The following SDR42E1 variants were observed in gnomAD, a reference collection of about 807,000 sequenced individuals.
SDR42E1 encodes short chain dehydrogenase/reductase family 42E, member 1.
A neutral mutation model predicts 2.6 loss-of-function variants in SDR42E1; 5 were observed. The observed-to-expected ratio is 1.94, with a 90% CI of 1.01 to 4.08. SDR42E1 has a LOEUF of 4.08. SDR42E1 is among the 30% of genes most tolerant of loss of function. The probability of loss-of-function intolerance (pLI) is 0.00; values close to 1 mark genes in which losing one functional copy is unlikely to be tolerated. For missense variants in SDR42E1, 596 were observed against 478.6 expected (o/e 1.25, Z -2.29); for synonymous variants, 231 against 188.3 (o/e 1.23, Z -1.86).
intron 1 of SDR42E1, among the ~76,000 whole-genome samples, chr16:82,006,150 G>C (rs1347035512): frequency 2.6e-5 from 4 of 152,038 alleles, no homozygotes; most frequent in Non-Finnish European, 5.9e-5. Flanking sequence ...CCAATAGAAA[G>C]TATGGAACAG....
Position 81,993,554 on chromosome 16 carries a change from T to C in SDR42E1, c.*5557A>G, listed in dbSNP as rs1445146128. ...TGATGTCACCCTTCTGGAGTCTGCA[T>C]TTTTAATTTAGGCCTTGAATGTTCT... On this transcript the variant is annotated 3_prime_UTR_variant, in exon 3 of 3. Coordinates refer to ENST00000328945, the MANE Select transcript of SDR42E1 (RefSeq NM_145168.3). 2 of 152,220 alleles carry C rather than the reference T, an allele frequency of 1.3e-5. No homozygotes were observed. The highest frequency in any genetic ancestry group is 4.8e-5 in the African/African-American group (2 of 41,452). The allele number at this position is 152,220 out of a possible 1,614,324, so 9.4% of individuals were successfully genotyped here. A position where few individuals can be genotyped will look rare whatever the true frequency, so the allele number is the denominator to read the frequency against.
At position 81,994,279 on chromosome 16, in the gene SDR42E1, A is replaced by T. The variant is rs1262541971; in HGVS notation, c.*4832T>A. On this transcript the variant is annotated 3_prime_UTR_variant, in exon 3 of 3. Transcript: ENST00000328945. ...CACATAGCTGGACCCAGCAGCCCAA[A>T]CATCATCAGCACTCGGTCCTCTCCT... 2.0e-5 allele frequency: 3 copies of T among 152,214 alleles called. No homozygotes were observed. The highest frequency in any genetic ancestry group is 6.5e-5 in the Admixed American group (1 of 15,274). 9.4% of individuals were successfully genotyped at this position (152,214 alleles called of 1,614,324 possible). A position where few individuals can be genotyped will look rare whatever the true frequency, so the allele number is the denominator to read the frequency against.
Position 81,999,356 on chromosome 16 carries a change from G to A in SDR42E1, c.937C>T (p.Arg313Cys), listed in dbSNP as rs192377528. 51 of 1,614,208 alleles carry A rather than the reference G, an allele frequency of 3.2e-5. No homozygotes were observed. Among genetic ancestry groups the A allele is most frequent in the African/African-American group, 4.0e-5 (3 of 75,052 alleles). The change falls in exon 3 of 3, where the codon CGC becomes TGC. Residue 313 changes from arginine (R) to cysteine (C), a missense_variant. Physicochemically the swap from Arg to Cys is radical, Grantham distance 180. Transcript: ENST00000328945. ...ACACCAGTTTTGTAAACTTCAGTGC[G>A]AGTGAGGAAGGGCTGGAAGTTGTAG... ...RLYNFQPFLT[R>C]TEVYKTGVTH...
At chr16:82,006,647 C>T (rs60912325) in intron 1 of SDR42E1, among the ~76,000 whole-genome samples, 2 of 152,018 alleles carry the variant, frequency 1.3e-5, no homozygotes, top group East Asian at 1.9e-4. Flanking sequence ...AGAAAAAATT[C>T]GCCAGGCGTG....
At chr16:82,009,435 G>T (rs966660626) in intron 1 of SDR42E1, among the ~76,000 whole-genome samples, 4 of 152,242 alleles carry the variant, frequency 2.6e-5, no homozygotes, top group Non-Finnish European at 4.4e-5. Flanking sequence ...AAGACTATGG[G>T]AAACCACCTC....
At chr16:82,010,338 C>CAGGACTTGAAGCCGGGTCT (rs1192426082) in intron 1 of SDR42E1, among the ~76,000 whole-genome samples, 37 of 152,296 alleles carry the variant, frequency 2.4e-4, no homozygotes, top group Non-Finnish European at 1.5e-4. Context: ...GGGCAGGGTT[C>CAGGACTTGAAGCCGGGTCT]AGGACTTGAA....
intron 1 of SDR42E1, among the ~76,000 whole-genome samples, chr16:82,009,156 T>C (rs747095768): frequency 5.3e-5 from 8 of 152,148 alleles, no homozygotes; most frequent in Non-Finnish European, 1.0e-4. Flanking sequence ...CAGGCAGAAG[T>C]TGGCTGCAGG....
Position 81,999,343 on chromosome 16 carries a change from T to C in SDR42E1, c.950A>G (p.Tyr317Cys). The change falls in exon 3 of 3, where the codon TAC (tyrosine) becomes TGC (cysteine). Residue 317 changes from tyrosine (Y) to cysteine (C), a missense_variant. Physicochemically the swap from Tyr to Cys is radical, Grantham distance 194. Coordinates refer to ENST00000328945, the MANE Select transcript of SDR42E1 (RefSeq NM_145168.3). Reference protein sequence around the residue: ...FQPFLTRTEVYKTGVTHYFSL... With the variant: ...FQPFLTRTEVCKTGVTHYFSL... Reference sequence around the variant, plus strand: ...AAAATAATGTGTGACACCAGTTTTGTAAACTTCAGTGCGAGTGAGGAAGGG... The same window carrying C: ...AAAATAATGTGTGACACCAGTTTTGCAAACTTCAGTGCGAGTGAGGAAGGG... 6.2e-7 allele frequency: 1 copy of C among 1,614,212 alleles called. No homozygotes were observed. The highest frequency in any genetic ancestry group is 8.5e-7 in the Non-Finnish European group (1 of 1,180,030).
In SDR42E1 at chr16:81,993,957, C is replaced by G. The variant is rs1229477901; in HGVS notation, c.*5154G>C. The G allele has an allele frequency of 6.6e-6, 1 of 152,020 alleles. No homozygotes were observed. The highest frequency in any genetic ancestry group is 1.5e-5 in the Non-Finnish European group (1 of 67,990). 9.4% of individuals were successfully genotyped at this position (152,020 alleles called of 1,614,324 possible). A position where few individuals can be genotyped will look rare whatever the true frequency, so the allele number is the denominator to read the frequency against. On this transcript the variant is annotated 3_prime_UTR_variant, in exon 3 of 3. Coordinates refer to ENST00000328945, the MANE Select transcript of SDR42E1 (RefSeq NM_145168.3). ...AGCAAATGTTAAATTACCCAGGGAC[C>G]AAAAGACGACCCCCGTTTGAAAGAA... is the stretch of plus-strand genomic sequence containing the variant.
At chr16:82,001,513 T>C (rs767987710) in intron 1 of SDR42E1, among the ~76,000 whole-genome samples, 6 of 152,120 alleles carry the variant, frequency 3.9e-5, no homozygotes, top group Non-Finnish European at 7.4e-5. Context: ...TCTTCTTCTG[T>C]GGCCCTCCCC....
chr16:82,000,649 A>G lies in SDR42E1; in HGVS notation c.68+142T>C. ...AATATACCTGTAGTTCTCAGCTGCA[A>G]TGTCTGAGCAGTGGGCAACACAGAT... is the stretch of plus-strand genomic sequence containing the variant. On this transcript the variant is annotated intron_variant, in intron 2 of 2. Transcript: ENST00000328945. The G allele has an allele frequency of 4.6e-6, 3 of 648,862 alleles. No individual in the cohort carries two copies. The Admixed American group carries it at 8.6e-5, about 19-fold the overall frequency. 40.2% of individuals were successfully genotyped at this position (648,862 alleles called of 1,614,324 possible).
chr16:82,000,626 T>C (rs1424807811), intron 2 of SDR42E1, among the ~76,000 whole-genome samples, 165 bp downstream of exon 2: 1 of 152,210 alleles, frequency 6.6e-6, no homozygotes, highest in Admixed American at 6.5e-5. Context: ...TTAAGTGAAA[T>C]ATACCTGTAG....
Position 81,992,586 on chromosome 16 carries a change from T to G in SDR42E1, c.*6525A>C, listed in dbSNP as rs1426931578. On this transcript the variant is annotated 3_prime_UTR_variant, in exon 3 of 3. Transcript: ENST00000328945. The stretch of plus-strand genomic sequence containing the variant: ...CACTGGGAGGCTAGAGCAAAAGATA[T>G]GTAGAATACTTGCCAAGATTAAAAT... 2 of 152,176 alleles carry G rather than the reference T, an allele frequency of 1.3e-5. No homozygotes were observed. The highest frequency in any genetic ancestry group is 4.8e-5 in the African/African-American group (2 of 41,446). 9.4% of individuals were successfully genotyped at this position (152,176 alleles called of 1,614,324 possible).
intron 1 of SDR42E1, among the ~76,000 whole-genome samples, chr16:82,008,543 A>T (rs975211831): frequency 6.6e-6 from 1 of 152,040 alleles, no homozygotes; most frequent in Non-Finnish European, 1.5e-5. Flanking sequence ...AGCAAAAGTG[A>T]CTCGTTATGT....
Position 81,989,278 on chromosome 16 carries a change from G to A in SDR42E1, c.*9833C>T, listed in dbSNP as rs1912374250. 3 of 152,176 alleles carry A rather than the reference G, an allele frequency of 2.0e-5. No homozygotes were observed. The highest frequency in any genetic ancestry group is 4.4e-5 in the Non-Finnish European group (3 of 68,044). 9.4% of individuals were successfully genotyped at this position (152,176 alleles called of 1,614,324 possible). On this transcript the variant is annotated 3_prime_UTR_variant, in exon 3 of 3. Transcript: ENST00000328945. ...CTGTACTATTGAGTGAGAAACCGTA[G>A]TAGCAGAAGGAACTGTGAGGTGGGA...
At position 81,999,211 on chromosome 16, in the gene SDR42E1, C is replaced by G; in HGVS notation, c.1082G>C (p.Ser361Thr). Residue 361 changes from serine (S) to threonine (T), a missense_variant, in exon 3 of 3, where the codon AGT becomes ACT. By Grantham distance (58) the Ser-to-Thr change is moderately conservative. Coordinates refer to ENST00000328945, the MANE Select transcript of SDR42E1 (RefSeq NM_145168.3). ...KAHGHGRSSG[S>T]RDSECFVWDG... ...CCAAACAAAACACTCCGAGTCACGA[C>G]TTCCAGAACTTCTGCCATGACCATG... The G allele has an allele frequency of 6.2e-7, 1 of 1,614,222 alleles. No individual in the cohort carries two copies.
At chr16:82,003,122 G>C (rs538594397) in intron 1 of SDR42E1, among the ~76,000 whole-genome samples, 1 of 152,302 alleles carries the variant, frequency 6.6e-6, no homozygotes, top group East Asian at 1.9e-4. Context: ...AGTGGTTTGA[G>C]GGTATGGAGA....
Position 81,999,028 on chromosome 16 carries a change from G to T in SDR42E1, c.*83C>A, listed in dbSNP as rs1912629558. ...TTTGAAGAGCCAATGTTTGGCACCA[G>T]ATATCACTGTACACATTTTAAAACC... On this transcript the variant is annotated 3_prime_UTR_variant, in exon 3 of 3. Coordinates refer to ENST00000328945, the MANE Select transcript of SDR42E1 (RefSeq NM_145168.3). The T allele has an allele frequency of 7.0e-7, 1 of 1,423,108 alleles. No homozygotes were observed. The allele number at this position is 1,423,108 out of a possible 1,614,324, so 88.2% of individuals were successfully genotyped here.
chr16:82,005,337 G>T (rs980123181), intron 1 of SDR42E1, among the ~76,000 whole-genome samples: 4 of 152,076 alleles, frequency 2.6e-5, no homozygotes, highest in Non-Finnish European at 5.9e-5. Context: ...GATCGGGGGG[G>T]TCAGAAGAGA....
Sources: gnomAD v4.1 joint callset for allele counts (sites outside exome capture counted in the v4.1 genomes callset) on GRCh38, gnomAD v4.1.1 for gene constraint, MANE v1.5 for transcripts, NCBI Gene and HGNC (gene_info 2026-07-23, HGNC 2026-07-21) for gene names.